ATG5: variants seen among roughly 807,000 people sequenced by gnomAD.
ATG5 encodes autophagy protein 5.
A neutral mutation model predicts 36.5 loss-of-function variants in ATG5; 14 were observed. That is an observed-to-expected ratio of 0.38 (90% CI 0.25 to 0.60). ATG5 has a LOEUF of 0.60. Among genes scored for constraint, ATG5 ranks in the 20% least tolerant of loss-of-function variants. The probability of loss-of-function intolerance (pLI) is 0.60; values close to 1 mark genes in which losing one functional copy is unlikely to be tolerated. For missense variants in ATG5, 195 were observed against 326.7 expected (o/e 0.60, Z 3.11); for synonymous variants, 95 against 101.5 (o/e 0.94, Z 0.38).
intron 5 of ATG5, among the ~76,000 whole-genome samples, chr6:106,276,749 A>C (rs1364564679): frequency 2.0e-5 from 3 of 152,112 alleles, no homozygotes; most frequent in Non-Finnish European, 2.9e-5. Context: ...GTTAACTCAA[A>C]TCCTTCTCTC....
chr6:106,284,300 G>A (rs1393080217), intron 4 of ATG5, among the ~76,000 whole-genome samples: 1 of 152,080 alleles, frequency 6.6e-6, no homozygotes, highest in East Asian at 1.9e-4. Flanking sequence ...CATCAGCAAC[G>A]TGTGAAGGGT....
At chr6:106,251,990 A>G (rs1269954967) in intron 5 of ATG5, among the ~76,000 whole-genome samples, 1 of 151,958 alleles carries the variant, frequency 6.6e-6, no homozygotes, top group African/African-American at 2.4e-5. Context: ...ATAGGCATGC[A>G]TCATCACGCC....
chr6:106,305,947 C>T (rs1770428243), intron 3 of ATG5, among the ~76,000 whole-genome samples: 1 of 152,138 alleles, frequency 6.6e-6, no homozygotes, highest in Non-Finnish European at 1.5e-5. Context: ...TTATTCACGC[C>T]TCATATATAT....
At chr6:106,214,269 A>G (rs910725777) in intron 6 of ATG5, among the ~76,000 whole-genome samples, 3 of 152,184 alleles carry the variant, frequency 2.0e-5, no homozygotes, top group African/African-American at 7.2e-5. Flanking sequence ...GAATGCTTTT[A>G]GAGCTTTACA....
chr6:106,323,796 C>T (rs1771193005), intron 1 of ATG5, among the ~76,000 whole-genome samples: 1 of 152,192 alleles, frequency 6.6e-6, no homozygotes, highest in African/African-American at 2.4e-5. Flanking sequence ...CAACTCACTG[C>T]TTACTCAAAA....
intron 5 of ATG5, among the ~76,000 whole-genome samples, chr6:106,276,190 C>T (rs1367194291): frequency 6.6e-6 from 1 of 152,170 alleles, no homozygotes; most frequent in Non-Finnish European, 1.5e-5. Flanking sequence ...CTGGGCCGGG[C>T]GCGGTGGCTC....
At chr6:106,216,385 T>C (rs1777039734) in intron 6 of ATG5, among the ~76,000 whole-genome samples, 1 of 152,216 alleles carries the variant, frequency 6.6e-6, no homozygotes, top group Admixed American at 6.5e-5. Flanking sequence ...AAACAAAATG[T>C]GGTATCTTCA....
chr6:106,214,203 G>T (rs539431322), intron 6 of ATG5, among the ~76,000 whole-genome samples: 1 of 152,174 alleles, frequency 6.6e-6, no homozygotes, highest in South Asian at 2.1e-4. Flanking sequence ...ATTAGCTTAA[G>T]AATGTACACA....
intron 6 of ATG5, among the ~76,000 whole-genome samples, chr6:106,209,262 A>G (rs1374513995): frequency 6.6e-6 from 1 of 152,214 alleles, no homozygotes; most frequent in Non-Finnish European, 1.5e-5. Context: ...CAAAAACAGA[A>G]AGCAATCCCA....
At chr6:106,252,863 G>A (rs1012725342) in intron 5 of ATG5, among the ~76,000 whole-genome samples, 4 of 152,150 alleles carry the variant, frequency 2.6e-5, no homozygotes, top group African/African-American at 7.2e-5. Flanking sequence ...AATAAATGTC[G>A]GATTGTGACA....
intron 3 of ATG5, among the ~76,000 whole-genome samples, chr6:106,302,929 C>G (rs1415609930): frequency 6.6e-6 from 1 of 151,906 alleles, no homozygotes; most frequent in Admixed American, 6.6e-5. Flanking sequence ...AATGCTTGTA[C>G]AACATTGTGA....
At chr6:106,265,770 C>T (rs1779203761) in intron 5 of ATG5, among the ~76,000 whole-genome samples, 1 of 152,036 alleles carries the variant, frequency 6.6e-6, no homozygotes. Context: ...GAAATTAAGG[C>T]AGAAATAAAG....
At chr6:106,299,118 C>T (rs910033171) in intron 3 of ATG5, among the ~76,000 whole-genome samples, 3 of 152,158 alleles carry the variant, frequency 2.0e-5, no homozygotes, top group Non-Finnish European at 4.4e-5. Context: ...ACCTGGAATA[C>T]GGTCCACCCT....
At chr6:106,288,165 T>C (rs1349132884) in intron 4 of ATG5, among the ~76,000 whole-genome samples, 1 of 151,902 alleles carries the variant, frequency 6.6e-6, no homozygotes, top group African/African-American at 2.4e-5. Flanking sequence ...GAGACAGGGT[T>C]TCACCATGTT....
intron 1 of ATG5, 185 bp downstream of exon 1, chr6:106,325,341 G>C (rs963490137): frequency 1.8e-4 from 27 of 152,500 alleles, no homozygotes; most frequent in African/African-American, 6.0e-4. Context: ...ACCGGCCCCA[G>C]GGCTCCGGGC....
chr6:106,272,662 G>A (rs995033812), intron 5 of ATG5, among the ~76,000 whole-genome samples: 1 of 152,202 alleles, frequency 6.6e-6, no homozygotes. Context: ...CAGAGGGAAG[G>A]GATCGTGCCT....
At chr6:106,245,560 T>C (rs1778297024) in intron 6 of ATG5, among the ~76,000 whole-genome samples, 3 of 152,198 alleles carry the variant, frequency 2.0e-5, no homozygotes, top group Non-Finnish European at 4.4e-5. Context: ...ATGATTCCTA[T>C]TCCTAAGATG....
chr6:106,313,086 G>A lies in ATG5; in HGVS notation c.108+3015C>T, dbSNP rs866450456. On this transcript the variant is annotated intron_variant, in intron 2 of 7. Transcript: ENST00000369076. ...TAAAATAAACAGAGAAGGCAGAGGT[G>A]GAGGTGGGAGAAGATCAGATACCAC... 3.3e-5 allele frequency among the ~76,000 whole-genome samples: 5 copies of A among 152,296 alleles called. 1 individual carries two copies. In the Middle Eastern group the frequency reaches 0.017, roughly 518 times the overall value.
At chr6:106,236,534 A>G (rs1170457425) in intron 6 of ATG5, among the ~76,000 whole-genome samples, 2 of 152,138 alleles carry the variant, frequency 1.3e-5, no homozygotes, top group Non-Finnish European at 1.5e-5. Flanking sequence ...AATTTATCCA[A>G]TCTAGGGAAC....
Sources: allele counts gnomAD v4.1 joint callset (sites outside exome capture counted in the v4.1 genomes callset), GRCh38; gene constraint gnomAD v4.1.1; transcripts MANE v1.5; gene names NCBI Gene and HGNC (gene_info 2026-07-23, HGNC 2026-07-21).